Variants in RANBP2 observed in about 807,000 individuals in gnomAD.
The protein encoded by RANBP2 is RAN binding protein 2, also known as E3 SUMO-protein ligase RanBP2.
A neutral mutation model predicts 303.6 loss-of-function variants in RANBP2; 57 were observed. The observed-to-expected ratio is 0.19, with a 90% CI of 0.15 to 0.23. The LOEUF (loss-of-function observed/expected upper bound fraction) is 0.23, where lower values mean the gene tolerates loss of function less well. RANBP2 is among the 10% of genes least tolerant of loss of function. The pLI, the probability that RANBP2 is intolerant of heterozygous loss-of-function variation, is 1.00. For missense variants in RANBP2, 3,138 were observed against 3,780.8 expected, an observed-to-expected ratio of 0.83 and a Z score of 4.46; for synonymous variants, 1,167 against 1,301.5, an observed-to-expected ratio of 0.90 and a Z score of 2.23.
the RANBP2 span, among the ~76,000 whole-genome samples, chr2:109,234,324 G>A: frequency 6.6e-6 from 1 of 152,214 alleles, no homozygotes; most frequent in South Asian, 2.1e-4. Context: ...GTTAGATGAA[G>A]TGAAACTGTT....
the RANBP2 span, among the ~76,000 whole-genome samples, chr2:109,309,511 TA>T: frequency 7.8e-6 from 1 of 128,818 alleles, no homozygotes; most frequent in Non-Finnish European, 1.6e-5. Flanking sequence ...ATATTAACTT[TA>T]AATGTAAATG....
the RANBP2 span, among the ~76,000 whole-genome samples, chr2:108,959,280 C>T: frequency 2.0e-5 from 3 of 152,016 alleles, no homozygotes; most frequent in Admixed American, 6.5e-5. Flanking sequence ...CTGTGGTCTG[C>T]GATCTGGGAA....
At chr2:108,908,179 G>A in the RANBP2 span, among the ~76,000 whole-genome samples, 3 of 152,106 alleles carry the variant, frequency 2.0e-5, no homozygotes, top group East Asian at 1.9e-4. Context: ...ACGGGACCAG[G>A]GGACATGAGA....
At chr2:108,826,509 C>A in the RANBP2 span, among the ~76,000 whole-genome samples, 1 of 152,034 alleles carries the variant, frequency 6.6e-6, no homozygotes, top group Non-Finnish European at 1.5e-5. Context: ...GTTGAAAAAT[C>A]TATTCCTTCC....
chr2:109,333,659 A>C, the RANBP2 span, among the ~76,000 whole-genome samples: 1 of 152,212 alleles, frequency 6.6e-6, no homozygotes, highest in Admixed American at 6.5e-5. Context: ...CACTAGAGAC[A>C]AAGTTTGCTG....
At chr2:109,479,818 C>T in the RANBP2 span, among the ~76,000 whole-genome samples, 1 of 152,176 alleles carries the variant, frequency 6.6e-6, no homozygotes, top group Admixed American at 6.5e-5. Flanking sequence ...CAAAACCATC[C>T]ACAGACCACT....
the RANBP2 span, among the ~76,000 whole-genome samples, chr2:109,670,670 T>C: frequency 3.3e-5 from 5 of 152,142 alleles, no homozygotes; most frequent in Admixed American, 3.3e-4. Flanking sequence ...GTGCATAGCA[T>C]TTCCATGGGA....
chr2:108,989,702 AAC>A, the RANBP2 span, among the ~76,000 whole-genome samples: 1 of 152,264 alleles, frequency 6.6e-6, no homozygotes, highest in East Asian at 1.9e-4. Context: ...AACTTCAGAT[AAC>A]CATACACACC....
the RANBP2 span, among the ~76,000 whole-genome samples, chr2:109,666,405 A>C: frequency 6.6e-6 from 1 of 152,234 alleles, no homozygotes; most frequent in Non-Finnish European, 1.5e-5. Context: ...TTATGTCCTT[A>C]ATGATAAATT....
the RANBP2 span, among the ~76,000 whole-genome samples, chr2:109,738,931 T>G: frequency 6.6e-6 from 1 of 151,516 alleles, no homozygotes; most frequent in Non-Finnish European, 1.5e-5. Context: ...TAATTTTTGT[T>G]TAAGGTGAGA....
chr2:109,716,544 C>T, the RANBP2 span, among the ~76,000 whole-genome samples: 1 of 151,404 alleles, frequency 6.6e-6, no homozygotes, highest in Non-Finnish European at 1.5e-5. Context: ...GCCACCGCAC[C>T]CAGCCTTATT....
the RANBP2 span, among the ~76,000 whole-genome samples, chr2:109,210,295 C>T: frequency 6.6e-6 from 1 of 152,166 alleles, no homozygotes; most frequent in Non-Finnish European, 1.5e-5. Context: ...TGAGTCCTTG[C>T]TTTGAGTTTT....
At chr2:108,960,966 G>A in the RANBP2 span, among the ~76,000 whole-genome samples, 12 of 152,272 alleles carry the variant, frequency 7.9e-5, no homozygotes, top group East Asian at 1.5e-3. Flanking sequence ...ACGCCACAAC[G>A]TACATAAAAG....
the RANBP2 span, among the ~76,000 whole-genome samples, chr2:109,125,853 C>A: frequency 6.6e-6 from 1 of 152,266 alleles, no homozygotes; most frequent in Non-Finnish European, 1.5e-5. Context: ...TTCCCTCACG[C>A]TGTAGCACAG....
chr2:108,873,690 A>G, the RANBP2 span: 567,577 of 717,814 alleles, frequency 0.79, 230,375 homozygotes, highest in East Asian at 0.85. Context: ...GCCACACTGG[A>G]TGAAGAAGAA....
At chr2:108,858,737 G>A in the RANBP2 span, among the ~76,000 whole-genome samples, 1 of 151,152 alleles carries the variant, frequency 6.6e-6, no homozygotes, top group African/African-American at 2.4e-5. Context: ...GGGTACATGT[G>A]CAGGTGTGTT....
the RANBP2 span, among the ~76,000 whole-genome samples, chr2:109,720,279 T>TCA: frequency 2.8e-4 from 40 of 143,964 alleles, no homozygotes; most frequent in African/African-American, 6.5e-4. Flanking sequence ...ACACATACAC[T>TCA]CACACACACA....
rs1250605075 is a variant in RANBP2 at position 108,764,720 on chromosome 2, T to C, written c.4181T>C (p.Val1394Ala). 6.2e-7 allele frequency: 1 copy of C among 1,613,968 alleles called. No homozygotes were observed. The highest frequency in any genetic ancestry group is 8.5e-7 in the Non-Finnish European group (1 of 1,179,958). ...ELVGPPLAET[V>A]FTPKTSPENV... Reference sequence around the variant, plus strand: ...GTTGGCCCACCATTAGCTGAAACTGTTTTTACTCCTAAAACCAGCCCAGAG... The same window carrying C: ...GTTGGCCCACCATTAGCTGAAACTGCTTTTACTCCTAAAACCAGCCCAGAG... The change falls in exon 20 of 29, where the codon GTT becomes GCT. Residue 1394 changes from valine to alanine, a missense_variant. Around this residue, in one of 20 missense-constraint regions of RANBP2, gnomAD observed 388 missense variants for 328.5 expected, o/e 1.18. Coordinates refer to ENST00000283195, the MANE Select transcript of RANBP2 (RefSeq NM_006267.5).
the RANBP2 span, among the ~76,000 whole-genome samples, chr2:109,247,312 C>T: frequency 6.6e-6 from 1 of 152,196 alleles, no homozygotes; most frequent in East Asian, 1.9e-4. Context: ...TTTCTTGAGC[C>T]CTTTATCCAA....
Sources: gnomAD v4.1 joint callset for allele counts (sites outside exome capture counted in the v4.1 genomes callset) on GRCh38, gnomAD v4.1.1 for gene constraint, gnomAD v4.1.1 regional missense constraint, MANE v1.5 for transcripts, NCBI Gene and HGNC (gene_info 2026-07-23, HGNC 2026-07-21) for gene names.